Variants in ULK4 observed in about 807,000 individuals in gnomAD.
ULK4 encodes inactive serine/threonine-protein kinase ULK4.
Under a neutral mutation model 160.6 loss-of-function variants are expected in ULK4, and 133 were observed. The ratio of observed to expected loss-of-function variants is 0.83; its 90% CI spans 0.72 to 0.96. ULK4 has a LOEUF of 0.96. ULK4 is among the 40% of genes least tolerant of loss of function. ULK4 has a pLI of 0.00. For missense variants in ULK4, 1,580 were observed against 1,499.5 expected (o/e 1.05, Z -0.89); for synonymous variants, 534 against 539.8 (o/e 0.99, Z 0.15).
At chr3:41,473,219 C>A (rs914429394) in intron 32 of ULK4, among the ~76,000 whole-genome samples, 4 of 152,054 alleles carry the variant, frequency 2.6e-5, no homozygotes, top group African/African-American at 4.8e-5. Context: ...ATATTGAACA[C>A]AGTATTAGAA....
intron 32 of ULK4, among the ~76,000 whole-genome samples, chr3:41,512,118 G>T (rs1404863045): frequency 1.3e-5 from 2 of 152,108 alleles, no homozygotes; most frequent in Non-Finnish European, 2.9e-5. Context: ...TGGCATAGAA[G>T]GGACATACCT....
chr3:41,576,251 ATGT>A (rs1360042145), intron 31 of ULK4, among the ~76,000 whole-genome samples: 2 of 152,192 alleles, frequency 1.3e-5, no homozygotes, highest in South Asian at 2.1e-4. Flanking sequence ...TTCAGGCCAG[ATGT>A]TGTTTCCTGA....
intron 18 of ULK4, among the ~76,000 whole-genome samples, chr3:41,829,344 T>C (rs2041487495): frequency 6.9e-6 from 1 of 145,620 alleles, no homozygotes; most frequent in Non-Finnish European, 1.5e-5. Flanking sequence ...GAAACTACCA[T>C]CAGAGTGAAC....
chr3:41,872,548 CA>C (rs1697135533), intron 17 of ULK4, among the ~76,000 whole-genome samples: 1 of 140,072 alleles, frequency 7.1e-6, no homozygotes, highest in Non-Finnish European at 1.5e-5. Context: ...AAGGATAAGC[CA>C]GTTAAACGTA....
intron 34 of ULK4, among the ~76,000 whole-genome samples, chr3:41,436,090 A>G (rs1304125436): frequency 1.3e-5 from 2 of 152,248 alleles, no homozygotes; most frequent in Non-Finnish European, 2.9e-5. Flanking sequence ...TTGGGTACCC[A>G]TACAACCATT....
At chr3:41,391,465 A>C (rs2081956241) in intron 35 of ULK4, among the ~76,000 whole-genome samples, 1 of 152,012 alleles carries the variant, frequency 6.6e-6, no homozygotes. Flanking sequence ...GAAAAATAAG[A>C]CAGGAGGGAG....
At chr3:41,333,501 C>T (rs1240857502) in intron 35 of ULK4, among the ~76,000 whole-genome samples, 5 of 152,106 alleles carry the variant, frequency 3.3e-5, no homozygotes, top group Non-Finnish European at 7.4e-5. Flanking sequence ...TTCTCACTCA[C>T]CCTGGCCAGC....
chr3:41,870,085 T>C (rs1213713167), intron 17 of ULK4, among the ~76,000 whole-genome samples: 1 of 152,220 alleles, frequency 6.6e-6, no homozygotes, highest in African/African-American at 2.4e-5. Context: ...CATATAACTG[T>C]TTCCCAGCAT....
chr3:41,691,637 T>G (rs2036303417), intron 27 of ULK4, among the ~76,000 whole-genome samples: 1 of 151,908 alleles, frequency 6.6e-6, no homozygotes, highest in African/African-American at 2.4e-5. Context: ...ATTTATTTCC[T>G]TTAACATCCA....
chr3:41,457,273 G>C (rs531920640), intron 33 of ULK4, among the ~76,000 whole-genome samples: 3 of 152,216 alleles, frequency 2.0e-5, no homozygotes, highest in South Asian at 4.2e-4. Flanking sequence ...ACAAGCAAGG[G>C]AATGGGGCCA....
At chr3:41,504,837 A>T (rs1405408315) in intron 32 of ULK4, among the ~76,000 whole-genome samples, 1 of 152,202 alleles carries the variant, frequency 6.6e-6, no homozygotes, top group East Asian at 1.9e-4. Flanking sequence ...GTCATAATTT[A>T]AAATTCACTA....
At chr3:41,789,291 G>A (rs528188895) in intron 21 of ULK4, among the ~76,000 whole-genome samples, 2 of 152,204 alleles carry the variant, frequency 1.3e-5, no homozygotes, top group African/African-American at 4.8e-5. Context: ...ATAGGTCAGA[G>A]CAAGCAGAAA....
intron 34 of ULK4, among the ~76,000 whole-genome samples, chr3:41,412,277 T>TA (rs1363493358): frequency 7.0e-5 from 10 of 143,592 alleles, no homozygotes; most frequent in African/African-American, 2.7e-4. Context: ...TTGCTGAAAG[T>TA]AAAAAGGACT....
At chr3:41,563,339 G>A (rs943967174) in intron 32 of ULK4, among the ~76,000 whole-genome samples, 1 of 151,940 alleles carries the variant, frequency 6.6e-6, no homozygotes, top group African/African-American at 2.4e-5. Flanking sequence ...ATGTGTCTTG[G>A]GGTTGCTCTT....
intron 31 of ULK4, among the ~76,000 whole-genome samples, chr3:41,571,414 C>T (rs1013374962): frequency 1.3e-5 from 2 of 152,148 alleles, no homozygotes; most frequent in African/African-American, 4.8e-5. Context: ...TCAAACTGTG[C>T]TATTTCATTT....
chr3:41,256,996 G>T (rs1428182153), intron 35 of ULK4, among the ~76,000 whole-genome samples: 1 of 152,048 alleles, frequency 6.6e-6, no homozygotes, highest in African/African-American at 2.4e-5. Flanking sequence ...ACCTTGGCTG[G>T]GATTACAGAT....
At chr3:41,709,989 C>A (rs1053759993) in intron 25 of ULK4, among the ~76,000 whole-genome samples, 1 of 152,104 alleles carries the variant, frequency 6.6e-6, no homozygotes, top group Non-Finnish European at 1.5e-5. Context: ...GAAGAGATCA[C>A]AGGAAAGGAC....
rs770275935 is a variant in ULK4 at position 41,819,375 on chromosome 3, G to A, written c.1848+48C>T. The A allele has an allele frequency of 2.6e-6, 4 of 1,562,484 alleles. No homozygotes were observed. In the African/African-American group the frequency reaches 5.5e-5, roughly 21 times the overall value. ...TACAATCCTCATACAGTGCCTGAAG[G>A]GTTATTACAATTGCCAGCATCTACA... is the stretch of plus-strand genomic sequence containing the variant. On this transcript the variant is annotated intron_variant, in intron 19 of 36. Coordinates refer to ENST00000301831, the MANE Select transcript of ULK4 (RefSeq NM_017886.4).
At chr3:41,522,640 T>G (rs2085971931) in intron 32 of ULK4, among the ~76,000 whole-genome samples, 1 of 152,228 alleles carries the variant, frequency 6.6e-6, no homozygotes, top group Non-Finnish European at 1.5e-5. Context: ...TTCTCTTTAT[T>G]AACATCCTGT....
Sources: allele counts gnomAD v4.1 joint callset (sites outside exome capture counted in the v4.1 genomes callset), GRCh38; gene constraint gnomAD v4.1.1; transcripts MANE v1.5; gene names NCBI Gene and HGNC (gene_info 2026-07-23, HGNC 2026-07-21).